The following SHMT1 variants were observed in gnomAD, a reference collection of about 807,000 sequenced individuals.
The protein encoded by SHMT1 is serine hydroxymethyltransferase, cytosolic.
In SHMT1, 45 loss-of-function variants were observed where a neutral mutation model predicts 49.0. That is an observed-to-expected ratio of 0.92 (90% CI 0.72 to 1.18). SHMT1 has a LOEUF of 1.18. Ranked by LOEUF, SHMT1 falls within the 50% of genes most tolerant of loss-of-function variation. SHMT1 has a pLI of 0.00. For synonymous variants in SHMT1, 232 were observed against 246.6 expected (o/e 0.94, Z 0.55); for missense variants, 541 against 612.4 (o/e 0.88, Z 1.23).
At chr17:18,351,994 G>T (rs1985759080) in intron 3 of SHMT1, among the ~76,000 whole-genome samples, 1 of 152,000 alleles carries the variant, frequency 6.6e-6, no homozygotes, top group African/African-American at 2.4e-5. Flanking sequence ...ACAGGCGCAT[G>T]CCACCATGTC....
At chr17:18,351,431 C>G (rs1205228689) in intron 3 of SHMT1, among the ~76,000 whole-genome samples, 1 of 151,760 alleles carries the variant, frequency 6.6e-6, no homozygotes, top group Non-Finnish European at 1.5e-5. Flanking sequence ...CAGGCATGAG[C>G]CACCACGCCC....
At chr17:18,342,649 C>T (rs548571732) in intron 5 of SHMT1, among the ~76,000 whole-genome samples, 15 of 151,964 alleles carry the variant, frequency 9.9e-5, no homozygotes, top group South Asian at 2.1e-4. Context: ...CTAAAACAAT[C>T]GAACTGCTGG....
chr17:18,333,464 TA>T (rs1983460240), intron 8 of SHMT1, 176 bp from the exon 9 acceptor site: 1 of 286,740 alleles, frequency 3.5e-6, no homozygotes, highest in Non-Finnish European at 5.9e-6. Context: ...TTTTATTATT[TA>T]TTATTTTTAT....
At position 18,328,762 on chromosome 17, in the gene SHMT1, C is replaced by A. The variant is rs2151559087; in HGVS notation, c.1440G>T (p.Leu480=). Residue 480 remains leucine (L), a synonymous_variant, in exon 12 of 12, where the codon CTG becomes CTT. Transcript: ENST00000316694. Reference sequence around the variant, plus strand: ...TGGGCCCGCTCCTTTAGAAGTCAGGCAGGCCAGGCAGAGGGAAGAGAGAGG... The same window carrying A: ...TGGGCCCGCTCCTTTAGAAGTCAGGAAGGCCAGGCAGAGGGAAGAGAGAGG... ...SFASLFPLPG[L]PDF 4 of 1,579,634 alleles carry A rather than the reference C, an allele frequency of 2.5e-6. No individual in the cohort carries two copies. Among genetic ancestry groups the A allele is most frequent in the Non-Finnish European group, 3.4e-6 (4 of 1,161,658 alleles).
At chr17:18,338,615 G>C (rs1984117638) in intron 7 of SHMT1, among the ~76,000 whole-genome samples, 2 of 152,252 alleles carry the variant, frequency 1.3e-5, no homozygotes, top group South Asian at 4.1e-4. Flanking sequence ...TTGTCGAATA[G>C]AAAAGGGGGA....
At chr17:18,333,101 A>G in intron 9 of SHMT1, 65 bp downstream of exon 9, 2 of 1,601,976 alleles carry the variant, frequency 1.2e-6, no homozygotes, top group East Asian at 2.2e-5. Flanking sequence ...TGGTTGCACA[A>G]ACTGAGAAGC....
At chr17:18,345,415 G>A (rs1171966388) in intron 5 of SHMT1, among the ~76,000 whole-genome samples, 1 of 151,408 alleles carries the variant, frequency 6.6e-6, no homozygotes, top group East Asian at 2.0e-4. Context: ...CCGCCACCAC[G>A]TCCAGTTAAT....
chr17:18,344,950 G>A (rs1336118231), intron 5 of SHMT1, among the ~76,000 whole-genome samples: 2 of 152,228 alleles, frequency 1.3e-5, no homozygotes, highest in African/African-American at 4.8e-5. Context: ...GCTGGGCAGG[G>A]CAGTGGCCCT....
intron 3 of SHMT1, among the ~76,000 whole-genome samples, chr17:18,349,368 C>T (rs564063685): frequency 3.3e-5 from 5 of 150,692 alleles, no homozygotes; most frequent in South Asian, 4.2e-4. Flanking sequence ...TGCAGTGAGC[C>T]GAGATCGCCC....
At chr17:18,339,842 G>A (rs1246149272) in intron 7 of SHMT1, among the ~76,000 whole-genome samples, 5 of 152,180 alleles carry the variant, frequency 3.3e-5, no homozygotes, top group African/African-American at 4.8e-5. Flanking sequence ...TTACAGGCGC[G>A]AGCCACCTCA....
intron 2 of SHMT1, among the ~76,000 whole-genome samples, chr17:18,354,981 ATG>A: frequency 9.1e-6 from 1 of 109,308 alleles, no homozygotes; most frequent in South Asian, 3.4e-4. Flanking sequence ...AACCCGGGAG[ATG>A]GAGCTTGCAG....
In SHMT1 at chr17:18,329,402, G is replaced by A. The variant is rs772883896; in HGVS notation, c.1172-14C>T. ...CGCTTCTGTCACCTACAAGATAAAC[G>A]GGGCTCTGTCCCTAAGTCACATTGT... On this transcript the variant is annotated splice_polypyrimidine_tract_variant and intron_variant, in intron 10 of 11. Transcript: ENST00000316694. 1.4e-5 allele frequency: 23 copies of A among 1,598,978 alleles called. No homozygotes were observed. Among genetic ancestry groups the A allele is most frequent in the African/African-American group, 2.7e-5 (2 of 74,642 alleles).
At chr17:18,354,623 G>C (rs1454709284) in intron 2 of SHMT1, among the ~76,000 whole-genome samples, 2 of 152,088 alleles carry the variant, frequency 1.3e-5, no homozygotes, top group Non-Finnish European at 2.9e-5. Flanking sequence ...AATGATTGAA[G>C]AGAAAGTTAT....
At chr17:18,363,258 G>GGGTGGGGTAC (rs1260523546) in intron 1 of SHMT1, 114 bp downstream of exon 1, 1 of 152,234 alleles carries the variant, frequency 6.6e-6, no homozygotes, top group Non-Finnish European at 1.5e-5. Context: ...CGGCTGCAGA[G>GGGTGGGGTAC]GGTGGGGTAC....
chr17:18,353,922 A>G (rs1985969107), intron 2 of SHMT1, 105 bp from the exon 3 acceptor site: 4 of 973,478 alleles, frequency 4.1e-6, no homozygotes, highest in Non-Finnish European at 6.6e-6. Context: ...CTTTCACATT[A>G]TGGAATAGAA....
At chr17:18,329,047 G>GCTTA (rs1055329809) in intron 11 of SHMT1, 128 bp from the exon 12 acceptor site, 1 of 1,219,054 alleles carries the variant, frequency 8.2e-7, no homozygotes, top group African/African-American at 1.5e-5. Context: ...AGGTCTCCAT[G>GCTTA]CTTACCTCAA....
Position 18,356,008 on chromosome 17 carries a change from A to T in SHMT1, c.-19-8T>A. 7.1e-7 allele frequency: 1 copy of T among 1,418,276 alleles called. No individual in the cohort carries two copies. 87.9% of individuals were successfully genotyped at this position (1,418,276 alleles called of 1,614,324 possible). A position where few individuals can be genotyped will look rare whatever the true frequency, so the allele number is the denominator to read the frequency against. The stretch of plus-strand genomic sequence containing the variant: ...GCACTGGTTCGAAGCTGCCTAAAAA[A>T]ATGGGAAAAACATGTGTAGCTTCCA... On this transcript the variant is annotated splice_region_variant and splice_polypyrimidine_tract_variant and intron_variant, in intron 1 of 11. Transcript: ENST00000316694.
chr17:18,330,805 TG>T, intron 9 of SHMT1, 134 bp from the exon 10 acceptor site: 1 of 709,618 alleles, frequency 1.4e-6, no homozygotes, highest in East Asian at 2.7e-5. Flanking sequence ...CCACATGGCC[TG>T]GGATTCTAAT....
chr17:18,362,275 A>C lies in SHMT1; in HGVS notation c.-20+1097T>G, dbSNP rs1057261433. 2.0e-5 allele frequency among the ~76,000 whole-genome samples: 3 copies of C among 152,138 alleles called. No homozygotes were observed. In the East Asian group the frequency reaches 5.8e-4, roughly 29 times the overall value. ...ACCCACTTCCGTTCCAAGTTCCCCC[A>C]AGTAATAAATTTACGTTATTTCTTT... On this transcript the variant is annotated intron_variant, in intron 1 of 11. Coordinates refer to ENST00000316694, the MANE Select transcript of SHMT1 (RefSeq NM_004169.5).
Sources: gnomAD v4.1 joint callset for allele counts (sites outside exome capture counted in the v4.1 genomes callset) on GRCh38, gnomAD v4.1.1 for gene constraint, MANE v1.5 for transcripts, NCBI Gene and HGNC (gene_info 2026-07-23, HGNC 2026-07-21) for gene names.